Variants in BNC2 observed in about 807,000 individuals in gnomAD.
BNC2 encodes the protein zinc finger protein basonuclin-2.
In BNC2, 20 loss-of-function variants were observed where a neutral mutation model predicts 76.3. The observed-to-expected ratio is 0.26, with a 90% CI of 0.18 to 0.38. The LOEUF (loss-of-function observed/expected upper bound fraction) is 0.38, where lower values mean the gene tolerates loss of function less well. BNC2 is among the 10% of genes least tolerant of loss of function. The probability of loss-of-function intolerance (pLI) is 1.00; values close to 1 mark genes in which losing one functional copy is unlikely to be tolerated. For synonymous variants in BNC2, 582 were observed against 514.8 expected, an observed-to-expected ratio of 1.13 and a Z score of -1.77; for missense variants, 1,382 against 1,399.8, an observed-to-expected ratio of 0.99 and a Z score of 0.20.
chr9:16,714,229 T>C (rs1307034899), intron 3 of BNC2, among the ~76,000 whole-genome samples: 1 of 152,240 alleles, frequency 6.6e-6, no homozygotes. Context: ...TGAAATAGCC[T>C]AGCATATGTA....
intron 1 of BNC2, among the ~76,000 whole-genome samples, chr9:16,790,200 T>C (rs1817465958): frequency 6.6e-6 from 1 of 152,138 alleles, no homozygotes; most frequent in Non-Finnish European, 1.5e-5. Context: ...GGTTTCACCA[T>C]GTTAGCCAGG....
At chr9:16,656,666 T>C (rs898032386) in intron 3 of BNC2, among the ~76,000 whole-genome samples, 10 of 152,342 alleles carry the variant, frequency 6.6e-5, no homozygotes, top group Admixed American at 5.9e-4. Flanking sequence ...AGGGTTTTAT[T>C]TGTTTTTGTT....
intron 3 of BNC2, among the ~76,000 whole-genome samples, chr9:16,702,959 T>A (rs954977248): frequency 6.6e-6 from 1 of 152,216 alleles, no homozygotes; most frequent in Non-Finnish European, 1.5e-5. Context: ...GCCAAACAAG[T>A]GTGCCTGGCA....
At chr9:16,643,228 C>T (rs1278956206) in intron 3 of BNC2, among the ~76,000 whole-genome samples, 1 of 150,970 alleles carries the variant, frequency 6.6e-6, no homozygotes, top group Non-Finnish European at 1.5e-5. Context: ...ATCGCTTGAA[C>T]CTGGGAAGTG....
At chr9:16,743,380 AG>A (rs201283425) in intron 1 of BNC2, among the ~76,000 whole-genome samples, 1,895 of 152,258 alleles carry the variant, frequency 0.012, 33 homozygotes, top group African/African-American at 0.042. Context: ...CAACATTATA[AG>A]GCATCTCTTT....
intron 5 of BNC2, among the ~76,000 whole-genome samples, chr9:16,488,724 G>A (rs1249388666): frequency 6.6e-6 from 1 of 152,056 alleles, no homozygotes; most frequent in Non-Finnish European, 1.5e-5. Context: ...CGATCATTCA[G>A]TTTGCCTGTC....
intron 3 of BNC2, among the ~76,000 whole-genome samples, chr9:16,614,958 T>TTAAAAAAAAAAAAAA (rs1820655766): frequency 3.2e-5 from 2 of 62,520 alleles, no homozygotes; most frequent in African/African-American, 1.3e-4. Flanking sequence ...TCTGTCTCTT[T>TTAAAAAAAAAAAAAA]AAAAAAAAAA....
At chr9:16,614,749 C>G (rs536538611) in intron 3 of BNC2, among the ~76,000 whole-genome samples, 1 of 151,952 alleles carries the variant, frequency 6.6e-6, no homozygotes, top group African/African-American at 2.4e-5. Flanking sequence ...GAATTCAAGA[C>G]CAGCCTTGGC....
chr9:16,703,960 C>T (rs996080542), intron 3 of BNC2, among the ~76,000 whole-genome samples: 1 of 152,038 alleles, frequency 6.6e-6, no homozygotes, highest in Non-Finnish European at 1.5e-5. Flanking sequence ...AACATCTGAA[C>T]AGGAACATGA....
At chr9:16,490,241 G>A (rs1448305627) in intron 5 of BNC2, among the ~76,000 whole-genome samples, 1 of 152,128 alleles carries the variant, frequency 6.6e-6, no homozygotes, top group East Asian at 1.9e-4. Flanking sequence ...AATCATGGTG[G>A]GAGGTGAGAG....
chr9:16,793,795 A>G (rs1162815347), intron 1 of BNC2, among the ~76,000 whole-genome samples: 1 of 146,772 alleles, frequency 6.8e-6, no homozygotes, highest in Non-Finnish European at 1.5e-5. Flanking sequence ...CCTCCCGAGT[A>G]GCTGGGACTG....
In BNC2 at chr9:16,675,887, G is replaced by C. The variant is rs1822624645; in HGVS notation, c.330+51910C>G. Among the ~76,000 whole-genome samples the C allele has an allele frequency of 2.0e-5, 3 of 152,074 alleles. No homozygotes were observed. In the South Asian group the frequency reaches 6.2e-4, roughly 31 times the overall value. On this transcript the variant is annotated intron_variant, in intron 3 of 6. Coordinates refer to ENST00000380672, the MANE Select transcript of BNC2 (RefSeq NM_017637.6). The stretch of plus-strand genomic sequence containing the variant: ...AACATGGTGAATCTCAGCTACCCAT[G>C]TGAAATTTTGTATTTTAAAATACAA...
rs569666648 is a variant in BNC2 at position 16,418,047 on chromosome 9, T to C, written c.*942A>G. 1 of 152,662 alleles carries C rather than the reference T, an allele frequency of 6.6e-6. No homozygotes were observed. The highest frequency in any genetic ancestry group is 1.5e-5 in the Non-Finnish European group (1 of 68,036). The allele number at this position is 152,662 out of a possible 1,614,324, so 9.5% of individuals were successfully genotyped here. A position where few individuals can be genotyped will look rare whatever the true frequency, so the allele number is the denominator to read the frequency against. ...TTTGTTTGGCATTTGTGCCCTATAC[T>C]GACCAGACCATTTTTATACAAGTGA... On this transcript the variant is annotated 3_prime_UTR_variant, in exon 7 of 7. Coordinates refer to ENST00000380672, the MANE Select transcript of BNC2 (RefSeq NM_017637.6).
At chr9:16,532,938 C>T (rs111803543) in intron 5 of BNC2, among the ~76,000 whole-genome samples, 3,642 of 152,266 alleles carry the variant, frequency 0.024, 158 homozygotes, top group African/African-American at 0.082. Context: ...TGGCTGGTTG[C>T]TTGGTTTGTT....
intron 1 of BNC2, among the ~76,000 whole-genome samples, chr9:16,843,871 C>G (rs1210987558): frequency 6.6e-6 from 1 of 152,180 alleles, no homozygotes; most frequent in Non-Finnish European, 1.5e-5. Context: ...AATTTTTCTT[C>G]CAAGTCAAAA....
At chr9:16,482,677 T>C (rs535664847) in intron 5 of BNC2, among the ~76,000 whole-genome samples, 1 of 152,026 alleles carries the variant, frequency 6.6e-6, no homozygotes, top group South Asian at 2.1e-4. Context: ...ACTTCTTCTC[T>C]ATCAGGAATA....
intron 1 of BNC2, among the ~76,000 whole-genome samples, chr9:16,786,646 G>A (rs867461976): frequency 2.0e-5 from 3 of 152,066 alleles, no homozygotes; most frequent in Non-Finnish European, 2.9e-5. Context: ...AGCAAATTTC[G>A]TCAGAACTCC....
At chr9:16,611,752 T>A (rs1820552111) in intron 3 of BNC2, among the ~76,000 whole-genome samples, 1 of 152,190 alleles carries the variant, frequency 6.6e-6, no homozygotes, top group Non-Finnish European at 1.5e-5. Context: ...AATGTGTTTA[T>A]CAAATTCTCT....
intron 5 of BNC2, among the ~76,000 whole-genome samples, chr9:16,500,391 T>G (rs1822493039): frequency 1.3e-5 from 2 of 152,186 alleles, no homozygotes; most frequent in African/African-American, 4.8e-5. Context: ...TGTATAGCAC[T>G]TGTCTCGGGA....
Sources: allele counts gnomAD v4.1 joint callset (sites outside exome capture counted in the v4.1 genomes callset), GRCh38; gene constraint gnomAD v4.1.1; transcripts MANE v1.5; gene names NCBI Gene and HGNC (gene_info 2026-07-23, HGNC 2026-07-21).